OPCML: variants seen among roughly 807,000 people sequenced by gnomAD.
OPCML encodes opioid binding protein/cell adhesion molecule like.
Under a neutral mutation model 37.8 loss-of-function variants are expected in OPCML, and 13 were observed. The observed-to-expected ratio is 0.34, with a 90% CI of 0.22 to 0.55. OPCML has a LOEUF of 0.55. OPCML is among the 20% of genes least tolerant of loss of function. The probability of loss-of-function intolerance (pLI) is 0.91; values close to 1 mark genes in which losing one functional copy is unlikely to be tolerated. For missense variants in OPCML, 341 were observed against 435.6 expected, an observed-to-expected ratio of 0.78 and a Z score of 1.93; for synonymous variants, 176 against 168.8, an observed-to-expected ratio of 1.04 and a Z score of -0.33.
At chr11:132,794,677 A>G (rs932614751) in intron 2 of OPCML, among the ~76,000 whole-genome samples, 3 of 152,120 alleles carry the variant, frequency 2.0e-5, no homozygotes, top group Admixed American at 2.0e-4. Context: ...AACCCCTGCA[A>G]ATAACCACCT....
chr11:132,470,553 C>T (rs141919740), intron 4 of OPCML, among the ~76,000 whole-genome samples: 293 of 152,246 alleles, frequency 1.9e-3, no homozygotes, highest in Non-Finnish European at 3.4e-3. Flanking sequence ...CGTATGTGAG[C>T]ATGAACGCAT....
At chr11:132,563,777 C>A (rs977875442) in intron 3 of OPCML, among the ~76,000 whole-genome samples, 2 of 150,350 alleles carry the variant, frequency 1.3e-5, no homozygotes, top group Non-Finnish European at 2.9e-5. Flanking sequence ...TCCACTTTTA[C>A]GTTATTAAAA....
intron 2 of OPCML, among the ~76,000 whole-genome samples, chr11:132,837,783 G>A (rs554464741): frequency 2.6e-5 from 4 of 152,232 alleles, no homozygotes; most frequent in East Asian, 3.9e-4. Context: ...AGGGCATGGC[G>A]GGGGAAGGCG....
At chr11:133,517,664 C>T (rs75223915) in intron 1 of OPCML, among the ~76,000 whole-genome samples, 2,768 of 152,290 alleles carry the variant, frequency 0.018, 85 homozygotes, top group African/African-American at 0.062. Flanking sequence ...AGGCTGACTC[C>T]TGGGCAAAGC....
intron 1 of OPCML, among the ~76,000 whole-genome samples, chr11:133,458,220 A>C (rs765181759): frequency 6.6e-5 from 8 of 122,010 alleles, no homozygotes; most frequent in Non-Finnish European, 1.1e-4. Flanking sequence ...ATATATACAC[A>C]TATATACACG....
intron 1 of OPCML, among the ~76,000 whole-genome samples, chr11:133,272,736 T>C (rs1003872404): frequency 3.3e-5 from 5 of 152,204 alleles, no homozygotes; most frequent in African/African-American, 9.7e-5. Context: ...AACTCACAAA[T>C]ACATATCAAT....
intron 2 of OPCML, among the ~76,000 whole-genome samples, chr11:132,715,012 C>T (rs748504840): frequency 6.6e-6 from 1 of 152,174 alleles, no homozygotes; most frequent in African/African-American, 2.4e-5. Flanking sequence ...CCTAGTGACA[C>T]TTAATGGGGT....
intron 1 of OPCML, among the ~76,000 whole-genome samples, chr11:133,417,451 G>A (rs1945792848): frequency 1.3e-5 from 2 of 150,516 alleles, no homozygotes; most frequent in Admixed American, 1.3e-4. Flanking sequence ...CAAGTCACTA[G>A]CACCTGGATT....
intron 1 of OPCML, among the ~76,000 whole-genome samples, chr11:133,396,254 A>G (rs1476156177): frequency 6.6e-6 from 1 of 152,152 alleles, no homozygotes; most frequent in Admixed American, 6.5e-5. Context: ...TTATTTATAC[A>G]AATAAATTAT....
At chr11:133,204,876 A>ATATATATATATATATGTGTG (rs1938974398) in intron 1 of OPCML, among the ~76,000 whole-genome samples, 4 of 30,022 alleles carry the variant, frequency 1.3e-4, no homozygotes, top group Non-Finnish European at 2.9e-4. Context: ...GTGTATATAT[A>ATATATATATATATATGTGTG]TATATATATA....
chr11:133,180,823 G>A (rs987056851), intron 1 of OPCML, among the ~76,000 whole-genome samples: 5 of 143,854 alleles, frequency 3.5e-5, no homozygotes, highest in Admixed American at 7.0e-5. Context: ...TGGAGACAGC[G>A]AGTGCTCAGC....
At chr11:132,971,838 T>C (rs885102) in intron 1 of OPCML, among the ~76,000 whole-genome samples, 50,547 of 151,966 alleles carry the variant, frequency 0.33, 8,657 homozygotes, top group Admixed American at 0.42. Context: ...TCTAGATATG[T>C]GGGCCCTAAA....
chr11:132,471,651 C>A (rs1203394716), intron 4 of OPCML, among the ~76,000 whole-genome samples: 2 of 152,146 alleles, frequency 1.3e-5, no homozygotes, highest in Admixed American at 1.3e-4. Flanking sequence ...GAAGCTGCAA[C>A]GCTGTAAATG....
chr11:132,885,650 T>C (rs1204122534), intron 2 of OPCML, among the ~76,000 whole-genome samples: 2 of 152,222 alleles, frequency 1.3e-5, no homozygotes, highest in Non-Finnish European at 2.9e-5. Flanking sequence ...GTCTTTGTGC[T>C]ACAGTTGAAA....
chr11:132,950,988 G>T (rs1289995509), intron 1 of OPCML, among the ~76,000 whole-genome samples: 1 of 152,180 alleles, frequency 6.6e-6, no homozygotes, highest in Non-Finnish European at 1.5e-5. Context: ...CTTCCCTGCT[G>T]TGATCACCTG....
At chr11:132,587,905 T>C (rs2096476513) in intron 3 of OPCML, among the ~76,000 whole-genome samples, 3 of 152,162 alleles carry the variant, frequency 2.0e-5, no homozygotes. Context: ...GATTACCATC[T>C]ACCCTAGTGA....
chr11:132,759,237 T>C (rs919190178), intron 2 of OPCML, among the ~76,000 whole-genome samples: 5 of 152,240 alleles, frequency 3.3e-5, no homozygotes, highest in Non-Finnish European at 7.3e-5. Flanking sequence ...TCGATGTTCA[T>C]CAGGGATATT....
At chr11:132,743,185 C>T (rs1208652380) in intron 2 of OPCML, among the ~76,000 whole-genome samples, 1 of 152,114 alleles carries the variant, frequency 6.6e-6, no homozygotes, top group Non-Finnish European at 1.5e-5. Flanking sequence ...GAGCCAAGGT[C>T]TTTTTCCTGG....
At chr11:133,014,813 T>C (rs1270410196) in intron 1 of OPCML, among the ~76,000 whole-genome samples, 1 of 152,242 alleles carries the variant, frequency 6.6e-6, no homozygotes, top group African/African-American at 2.4e-5. Flanking sequence ...AGCCAGTTTA[T>C]CTAAGTCTCA....
Sources: allele counts gnomAD v4.1 joint callset (sites outside exome capture counted in the v4.1 genomes callset), GRCh38; gene constraint gnomAD v4.1.1; transcripts MANE v1.5; gene names NCBI Gene and HGNC (gene_info 2026-07-23, HGNC 2026-07-21).